Variants in ANK3 observed in about 807,000 individuals in gnomAD.
The protein encoded by ANK3 is ankyrin-3.
In ANK3, 57 loss-of-function variants were observed where a neutral mutation model predicts 370.9. That is an observed-to-expected ratio of 0.15 (90% CI 0.12 to 0.19). The LOEUF (loss-of-function observed/expected upper bound fraction) is 0.19. Ranked by LOEUF, ANK3 falls within the 10% of genes least tolerant of loss-of-function variation. The probability of loss-of-function intolerance (pLI) is 1.00; values close to 1 mark genes in which losing one functional copy is unlikely to be tolerated. For missense variants in ANK3, 4,439 were observed against 5,302.1 expected (o/e 0.84, Z 5.06); for synonymous variants, 1,929 against 1,946.3 (o/e 0.99, Z 0.23).
intron 2 of ANK3, among the ~76,000 whole-genome samples, chr10:60,532,791 C>T (rs944153245): frequency 6.6e-6 from 1 of 152,076 alleles, no homozygotes. Context: ...ATAAATGTTG[C>T]TATAACTGAA....
At chr10:60,126,356 T>A (rs777212123) in intron 25 of ANK3, among the ~76,000 whole-genome samples, 9 of 152,122 alleles carry the variant, frequency 5.9e-5, no homozygotes, top group Non-Finnish European at 1.3e-4. Context: ...AGTGATCAAT[T>A]GGCAAGGGGC....
intron 25 of ANK3, among the ~76,000 whole-genome samples, chr10:60,130,127 T>C (rs1489271670): frequency 6.6e-6 from 1 of 152,228 alleles, no homozygotes; most frequent in African/African-American, 2.4e-5. Flanking sequence ...AACAGTCTAC[T>C]GTTGATTGTC....
At chr10:60,043,743 A>C in intron 42 of ANK3, 1 of 985,446 alleles carries the variant, frequency 1.0e-6, no homozygotes, top group Non-Finnish European at 1.2e-6. Context: ...CTGAAGGCCA[A>C]GCCCTGGGTG....
chr10:60,035,961 C>T (rs1292278380), intron 43 of ANK3, among the ~76,000 whole-genome samples: 9 of 152,034 alleles, frequency 5.9e-5, no homozygotes, highest in Non-Finnish European at 1.3e-4. Flanking sequence ...TTCTGGAGGG[C>T]AGGGTCCTGA....
chr10:60,575,007 A>G (rs1304617446), intron 2 of ANK3, among the ~76,000 whole-genome samples: 1 of 152,238 alleles, frequency 6.6e-6, no homozygotes, highest in Non-Finnish European at 1.5e-5. Flanking sequence ...TTGAGATTAA[A>G]TTTAGTTCAT....
chr10:60,716,722 C>T (rs2132020598), intron 1 of ANK3, among the ~76,000 whole-genome samples: 1 of 152,184 alleles, frequency 6.6e-6, no homozygotes, highest in Non-Finnish European at 1.5e-5. Flanking sequence ...TGCCATGTTG[C>T]CCAGGCTGGT....
rs2083482778 is a variant in ANK3, at chr10:60,075,111, G to C, written c.5770C>G (p.Pro1924Ala). 6.2e-7 allele frequency: 1 copy of C among 1,613,870 alleles called. No homozygotes were observed. The highest frequency in any genetic ancestry group is 8.5e-7 in the Non-Finnish European group (1 of 1,179,984). ...TCAGGTTGGAATGGCTTCTCCTCAG[G>C]CACATCTGTCTGTAGTATTGCGGTC... is the stretch of plus-strand genomic sequence containing the variant. ...RMTAILQTDV[P>A]EEKPFQPELP... Residue 1924 changes from proline (P) to alanine (A), a missense_variant, in exon 37 of 44, where the codon CCT becomes GCT. Around this residue, in one of 13 missense-constraint regions of ANK3, gnomAD observed 679 missense variants for 791.0 expected, o/e 0.86. Transcript: ENST00000280772.
At chr10:60,042,901 A>T in intron 42 of ANK3, 142 bp from the exon 43 acceptor site, 1 of 1,482,722 alleles carries the variant, frequency 6.7e-7, no homozygotes, top group Non-Finnish European at 8.9e-7. Context: ...AAATACGTAC[A>T]ATCTTTAGCT....
At chr10:60,407,560 CAAGCACTGTGCT>C (rs1187486930) in intron 2 of ANK3, among the ~76,000 whole-genome samples, 1 of 152,172 alleles carries the variant, frequency 6.6e-6, no homozygotes, top group Non-Finnish European at 1.5e-5. Flanking sequence ...TATTATGTGC[CAAGCACTGTGCT>C]AAGTAATTCA....
At chr10:60,103,945 A>T (rs1273832336) in intron 28 of ANK3, among the ~76,000 whole-genome samples, 9 of 152,198 alleles carry the variant, frequency 5.9e-5, no homozygotes, top group Admixed American at 5.9e-4. Context: ...AGGAACATGG[A>T]TGGAGCTGGA....
At chr10:60,685,193 T>C (rs1365756083) in intron 1 of ANK3, 1 of 425,114 alleles carries the variant, frequency 2.4e-6, no homozygotes, top group Non-Finnish European at 4.4e-6. Context: ...CTATTAAAGC[T>C]TTGTATTGTT....
At chr10:60,255,424 A>G (rs926397971) in intron 7 of ANK3, among the ~76,000 whole-genome samples, 1 of 152,230 alleles carries the variant, frequency 6.6e-6, no homozygotes, top group African/African-American at 2.4e-5. Context: ...GGCACATGGT[A>G]AGCACCTGGG....
intron 2 of ANK3, among the ~76,000 whole-genome samples, chr10:60,612,593 G>A (rs1014829862): frequency 2.6e-5 from 4 of 152,176 alleles, no homozygotes; most frequent in Non-Finnish European, 5.9e-5. Context: ...CCAGATTCAA[G>A]CAATTCTCCT....
At chr10:60,584,953 C>T (rs1253827088) in intron 2 of ANK3, among the ~76,000 whole-genome samples, 2 of 152,178 alleles carry the variant, frequency 1.3e-5, no homozygotes, top group South Asian at 4.1e-4. Flanking sequence ...TGGCTCTGGA[C>T]AAACCTCAGC....
At chr10:60,211,671 G>A (rs755744831) in intron 9 of ANK3, among the ~76,000 whole-genome samples, 7 of 152,060 alleles carry the variant, frequency 4.6e-5, no homozygotes, top group Non-Finnish European at 1.0e-4. Context: ...TACTCAGAAT[G>A]TATTCACACA....
chr10:60,278,024 A>C (rs948999300), intron 4 of ANK3, among the ~76,000 whole-genome samples: 1 of 152,238 alleles, frequency 6.6e-6, no homozygotes, highest in Non-Finnish European at 1.5e-5. Context: ...ATAATAAAGC[A>C]AAGTTAATTC....
intron 1 of ANK3, among the ~76,000 whole-genome samples, chr10:60,687,513 G>A (rs2079285079): frequency 6.8e-6 from 1 of 146,630 alleles, no homozygotes; most frequent in African/African-American, 2.6e-5. Flanking sequence ...CGCCTCACAT[G>A]CATTAGGCTG....
chr10:60,598,591 ATTGTGACTATATTTAG>A (rs2078019628), intron 2 of ANK3, among the ~76,000 whole-genome samples: 1 of 152,214 alleles, frequency 6.6e-6, no homozygotes. Context: ...AAATGTCAAA[ATTGTGACTATATTTAG>A]TTATTCATTC....
intron 43 of ANK3, among the ~76,000 whole-genome samples, chr10:60,036,927 A>C (rs1052743899): frequency 2.0e-5 from 3 of 152,160 alleles, no homozygotes; most frequent in African/African-American, 7.2e-5. Flanking sequence ...GGACTTGCAT[A>C]TGTAACATAA....
Sources: allele counts gnomAD v4.1 joint callset (sites outside exome capture counted in the v4.1 genomes callset), GRCh38; gene constraint gnomAD v4.1.1; regional missense constraint gnomAD v4.1.1; transcripts MANE v1.5; gene names NCBI Gene and HGNC (gene_info 2026-07-23, HGNC 2026-07-21).